ANKRD26: variants seen among roughly 807,000 people sequenced by gnomAD.
ANKRD26 encodes ankyrin repeat domain 26, also known as ankyrin repeat domain-containing protein 26.
Under a neutral mutation model 208.7 loss-of-function variants are expected in ANKRD26, and 141 were observed. That is an observed-to-expected ratio of 0.68 (90% CI 0.59 to 0.78). ANKRD26 has a LOEUF of 0.78. ANKRD26 is among the 30% of genes least tolerant of loss of function. The pLI is 0.00. For synonymous variants in ANKRD26, 636 were observed against 660.4 expected (o/e 0.96, Z 0.57); for missense variants, 1,889 against 1,938.7 (o/e 0.97, Z 0.48).
At chr10:27,045,199 A>C (rs1183461122) in intron 18 of ANKRD26, among the ~76,000 whole-genome samples, 1 of 152,144 alleles carries the variant, frequency 6.6e-6, no homozygotes, top group African/African-American at 2.4e-5. Flanking sequence ...CAAGGTGGGC[A>C]GATCACTTGA....
rs2054357126 is a variant in ANKRD26, at chr10:27,044,072, G to C, written c.2019+85C>G. The C allele has an allele frequency of 2.9e-6, 3 of 1,027,652 alleles. No individual in the cohort carries two copies. In the Admixed American group the frequency reaches 9.4e-5, roughly 32 times the overall value. The allele number at this position is 1,027,652 out of a possible 1,614,324, so 63.7% of individuals were successfully genotyped here. On this transcript the variant is annotated intron_variant, in intron 19 of 33. Transcript: ENST00000376087. Reference sequence around the variant, plus strand: ...GCCTTCCAAAGTGCTGAGATTACAGGTGTGAGCCACTGTGCCCAGCCCACT... The same window carrying C: ...GCCTTCCAAAGTGCTGAGATTACAGCTGTGAGCCACTGTGCCCAGCCCACT...
intron 3 of ANKRD26, among the ~76,000 whole-genome samples, chr10:27,092,941 G>A (rs1332201874): frequency 1.3e-5 from 2 of 152,034 alleles, no homozygotes; most frequent in African/African-American, 4.8e-5. Context: ...AAATTAGCTG[G>A]GCATGGTGGT....
Position 26,977,836 on chromosome 10 carries a change from A to C in ANKRD26, c.*282-1794T>G, listed in dbSNP as rs931782565. ...AGAAAGCCCGCTACTGCCCTGCAGA[A>C]TGTGCCCTGCCCTACTTCTGAACGC... On this transcript the variant is annotated intron_variant and NMD_transcript_variant, in intron 5 of 5. Coordinates refer to the ANKRD26 transcript ENST00000674670. Among the ~76,000 whole-genome samples the C allele has an allele frequency of 3.3e-5, 5 of 152,194 alleles. No individual in the cohort carries two copies. In the South Asian group the frequency reaches 1.0e-3, roughly 32 times the overall value.
intron 17 of ANKRD26, among the ~76,000 whole-genome samples, chr10:27,047,695 G>GTAA (rs374916773): frequency 2.0e-4 from 29 of 143,288 alleles, no homozygotes; most frequent in African/African-American, 7.3e-4. Flanking sequence ...CAGAAAAACT[G>GTAA]TAATAATACT....
chr10:27,081,743 G>C (rs920169887), intron 6 of ANKRD26, among the ~76,000 whole-genome samples: 1 of 151,728 alleles, frequency 6.6e-6, no homozygotes, highest in Non-Finnish European at 1.5e-5. Flanking sequence ...GGAATACTAT[G>C]CTTTTTTTTT....
the ANKRD26 span, among the ~76,000 whole-genome samples, chr10:26,952,984 G>C: frequency 6.6e-6 from 1 of 152,160 alleles, no homozygotes; most frequent in Non-Finnish European, 1.5e-5. Context: ...AAGTGACCAA[G>C]GCTGTTGTAT....
intron 9 of ANKRD26, among the ~76,000 whole-genome samples, chr10:27,072,737 T>C (rs187603659): frequency 1.6e-4 from 25 of 152,334 alleles, no homozygotes; most frequent in Non-Finnish European, 3.4e-4. Flanking sequence ...TCTGTGCATC[T>C]TCAGTTAATC....
intron 5 of ANKRD26, among the ~76,000 whole-genome samples, chr10:26,994,889 G>A (rs2052555688): frequency 6.6e-6 from 1 of 152,176 alleles, no homozygotes; most frequent in African/African-American, 2.4e-5. Context: ...CTCGCCAATT[G>A]AAAAGCTCGG....
At chr10:26,967,259 G>T in the ANKRD26 span, among the ~76,000 whole-genome samples, 1 of 152,286 alleles carries the variant, frequency 6.6e-6, no homozygotes, top group East Asian at 1.9e-4. Context: ...CAGATAGATA[G>T]ATATTTTTAG....
At chr10:26,996,218 G>A (rs2052588520) in intron 4 of ANKRD26, among the ~76,000 whole-genome samples, 1 of 152,082 alleles carries the variant, frequency 6.6e-6, no homozygotes. Flanking sequence ...AGATCAAGAA[G>A]AGAGAATATC....
chr10:27,031,980 G>A (rs1157285039), intron 25 of ANKRD26, among the ~76,000 whole-genome samples: 1 of 152,038 alleles, frequency 6.6e-6, no homozygotes, highest in Non-Finnish European at 1.5e-5. Context: ...ATTCACAAAA[G>A]TGAAAATAAG....
intron 29 of ANKRD26, among the ~76,000 whole-genome samples, chr10:27,022,080 G>A (rs945681051): frequency 3.3e-5 from 5 of 152,094 alleles, no homozygotes; most frequent in African/African-American, 1.2e-4. Context: ...TGTTGCAATT[G>A]CTTTTGGTGT....
rs758436245 is a variant in ANKRD26 at position 27,024,512 on chromosome 10, C to T, written c.4020G>A (p.Gln1340=). The change falls in exon 28 of 34, where the codon CAG becomes CAA. Residue 1340 remains glutamine, a synonymous_variant. Coordinates refer to ENST00000376087, the MANE Select transcript of ANKRD26 (RefSeq NM_014915.3). The part of the protein sequence containing the change: ...EQLKKLMELK[Q]SLECNLDQEM... ...CTTGATCCAAATTACATTCCAGTGACTGTTTTAATTCCATAAGTTTCTTTA... is the reference window on the plus strand; with the variant it reads ...CTTGATCCAAATTACATTCCAGTGATTGTTTTAATTCCATAAGTTTCTTTA... 15 of 1,586,788 alleles carry T rather than the reference C, an allele frequency of 9.5e-6. No individual in the cohort carries two copies. Among genetic ancestry groups the T allele is most frequent in the Non-Finnish European group, 1.3e-5 (15 of 1,157,812 alleles).
At position 27,046,430 on chromosome 10, in the gene ANKRD26, C is replaced by T. The variant is rs775643424; in HGVS notation, c.1908G>A (p.Lys636=). 20 of 1,613,946 alleles carry T rather than the reference C, an allele frequency of 1.2e-5. No homozygotes were observed. The highest frequency in any genetic ancestry group is 1.7e-5 in the Non-Finnish European group (20 of 1,179,994). The change falls in exon 18 of 34, where the codon AAG becomes AAA. Residue 636 remains lysine (K), a synonymous_variant. Coordinates refer to ENST00000376087, the MANE Select transcript of ANKRD26 (RefSeq NM_014915.3). ...GCAGGCCACCAGTTAGTAAACTGGC[C>T]TTCCCAAACACTGGTGAATTCACAG... ...KESVNSPVFG[K]ASLLTGGLLQ... is the part of the protein sequence containing the mutation.
chr10:27,089,619 C>T (rs899096671), intron 4 of ANKRD26, among the ~76,000 whole-genome samples: 4 of 152,144 alleles, frequency 2.6e-5, no homozygotes, highest in African/African-American at 9.7e-5. Flanking sequence ...TGGCAAAACT[C>T]ATCTCTACAA....
At chr10:26,972,058 A>C (rs1009799102), downstream of ANKRD26, among the ~76,000 whole-genome samples, 1 of 151,964 alleles carries the variant, frequency 6.6e-6, no homozygotes, top group African/African-American at 2.4e-5. Flanking sequence ...ACACGGTGAA[A>C]CCCCGTCTCT....
intron 32 of ANKRD26, among the ~76,000 whole-genome samples, 180 bp from the exon 33 acceptor site, chr10:27,007,142 A>T (rs1404751435): frequency 6.6e-6 from 1 of 152,218 alleles, no homozygotes; most frequent in African/African-American, 2.4e-5. Context: ...GTTTAGATTT[A>T]AAAAATGTGT....
At position 27,017,546 on chromosome 10, in the gene ANKRD26, G is replaced by A; in HGVS notation, c.4462C>T (p.Gln1488Ter). 1 of 1,613,642 alleles carries A rather than the reference G, an allele frequency of 6.2e-7. No homozygotes were observed. Among genetic ancestry groups the A allele is most frequent in the South Asian group, 1.1e-5 (1 of 91,072 alleles). Residue 1488 changes from glutamine (Q) to a stop codon, truncating the protein, a stop_gained, in exon 30 of 34, where the codon CAG (glutamine) becomes TAG (stop). Transcript: ENST00000376087. LOFTEE classifies it high-confidence loss of function. The stretch of plus-strand genomic sequence containing the variant: ...TCTTTTAATTTTTCTGCTATTTCCT[G>A]TCTTGCTCTTTCTTCAATCTCCTGT... The part of the protein sequence containing the change: ...YKQEIEERAR[Q>*]EIAEKLKEVN...
In ANKRD26 at chr10:27,077,265, T is replaced by C. The variant is rs77709948; in HGVS notation, c.1077+73A>G. 3,210 of 1,251,554 alleles carry C rather than the reference T, an allele frequency of 2.6e-3. 77 individuals are homozygous for C. In the African/African-American group the frequency reaches 0.042, roughly 17 times the overall value. 77.5% of individuals were successfully genotyped at this position (1,251,554 alleles called of 1,614,324 possible). ...AACAAAAACTGTATGATCATCTCAA[T>C]AGATGCATCATTATGAGGATTGTTG... On this transcript the variant is annotated intron_variant, in intron 9 of 33. Coordinates refer to ENST00000376087, the MANE Select transcript of ANKRD26 (RefSeq NM_014915.3).
Sources: allele counts gnomAD v4.1 joint callset (sites outside exome capture counted in the v4.1 genomes callset), GRCh38; gene constraint gnomAD v4.1.1; transcripts MANE v1.5; gene names NCBI Gene and HGNC (gene_info 2026-07-23, HGNC 2026-07-21).